The following MIA3 variants were observed in gnomAD, a reference collection of about 807,000 sequenced individuals.
The protein encoded by MIA3 is MIA SH3 domain ER export factor 3, also known as transport and Golgi organization protein 1 homolog.
In MIA3, 90 loss-of-function variants were observed where a neutral mutation model predicts 192.4. The observed-to-expected ratio is 0.47, with a 90% CI of 0.39 to 0.56. The LOEUF (loss-of-function observed/expected upper bound fraction) is 0.56. Ranked by LOEUF, MIA3 falls within the 20% of genes least tolerant of loss-of-function variation. MIA3 has a pLI of 0.00. For missense variants in MIA3, 2,123 were observed against 2,269.4 expected, an observed-to-expected ratio of 0.94 and a Z score of 1.31; for synonymous variants, 740 against 792.8, an observed-to-expected ratio of 0.93 and a Z score of 1.12.
At chr1:222,623,891 G>C (rs1451077548) in intron 2 of MIA3, among the ~76,000 whole-genome samples, 3 of 152,180 alleles carry the variant, frequency 2.0e-5, no homozygotes, top group Non-Finnish European at 2.9e-5. Context: ...TGAAAGCTTG[G>C]TGGGCAGATT....
At chr1:222,644,154 C>T (rs1663002780) in intron 6 of MIA3, 1 of 512,070 alleles carries the variant, frequency 2.0e-6, no homozygotes, top group Admixed American at 4.4e-5. Context: ...GCGCCAGTCA[C>T]TTCCGCCTCT....
chr1:222,655,537 C>CT (rs1224275891), intron 18 of MIA3, among the ~76,000 whole-genome samples: 2 of 152,118 alleles, frequency 1.3e-5, no homozygotes, highest in Admixed American at 6.5e-5. Context: ...GCAAATTTAA[C>CT]TTTTTTAAAT....
In MIA3 at chr1:222,662,270, G is replaced by C. The variant is rs758724144; in HGVS notation, c.5200G>C (p.Ala1734Pro). The C allele has an allele frequency of 6.2e-7, 1 of 1,613,964 alleles. No individual in the cohort carries two copies. Among genetic ancestry groups the C allele is most frequent in the Non-Finnish European group, 8.5e-7 (1 of 1,179,900 alleles). Residue 1734 changes from alanine to proline, a missense_variant, in exon 26 of 28, where the codon GCT (alanine) becomes CCT (proline). This residue lies in a region of MIA3 where 762 missense variants were observed against 856.4 expected (regional missense o/e 0.89). Transcript: ENST00000344922. ...TTTAACAGATCCAGGATCTGGTACA[G>C]CTACCATGATGAACAGCAGCTCAAG... Reference protein sequence around the residue: ...PSPSDPGSGTATMMNSSSRGS... With the variant: ...PSPSDPGSGTPTMMNSSSRGS...
chr1:222,618,274 G>T, intron 1 of MIA3, 31 bp downstream of exon 1: 4 of 1,394,988 alleles, frequency 2.9e-6, no homozygotes, highest in Non-Finnish European at 3.8e-6. Flanking sequence ...GCTGGCCTCG[G>T]GGCGGCTGGC....
In MIA3 at chr1:222,662,352, ATAAT is replaced by A. The variant is rs1664060955; in HGVS notation, c.5262+23_5262+26del. 1 of 1,607,012 alleles carries A rather than the reference ATAAT, an allele frequency of 6.2e-7. No homozygotes were observed. The highest frequency in any genetic ancestry group is 8.5e-7 in the Non-Finnish European group (1 of 1,173,566). On this transcript the variant is annotated intron_variant, in intron 26 of 27. Transcript: ENST00000344922. The stretch of plus-strand genomic sequence containing the variant: ...GGCAAGGTAAATGCACCCATTTTGA[ATAAT>A]TAGTTATTTCAGGAACATTTAGCTC...
rs761131334 is a variant in MIA3 at position 222,629,336 on chromosome 1, G to A, written c.2116G>A (p.Asp706Asn). ...AMQGTEVGQTDQTDSTGGPAF... is the reference protein window; with the variant it reads ...AMQGTEVGQTNQTDSTGGPAF... ...GCAGGGCACAGAGGTAGGACAGACA[G>A]ACCAAACTGACAGCACAGGAGGACC... Residue 706 changes from aspartate (D) to asparagine (N), a missense_variant, in exon 4 of 28, where the codon GAC (aspartate) becomes AAC (asparagine). Physicochemically the swap from Asp to Asn is conservative, Grantham distance 23. Around this residue, in one of 3 missense-constraint regions of MIA3, gnomAD observed 1,357 missense variants for 1,396.1 expected, o/e 0.97. Coordinates refer to ENST00000344922, the MANE Select transcript of MIA3 (RefSeq NM_198551.4). 3.7e-6 allele frequency: 6 copies of A among 1,614,152 alleles called. No individual in the cohort carries two copies. In the South Asian group the frequency reaches 6.6e-5, roughly 18 times the overall value.
chr1:222,641,788 T>A, intron 6 of MIA3: 1 of 556,248 alleles, frequency 1.8e-6, no homozygotes, highest in Non-Finnish European at 3.6e-6. Flanking sequence ...GGACAAGAAC[T>A]CCATTTCCTG....
chr1:222,639,648 C>T (rs914144748), intron 6 of MIA3, among the ~76,000 whole-genome samples: 1 of 151,944 alleles, frequency 6.6e-6, no homozygotes, highest in Admixed American at 6.6e-5. Flanking sequence ...ATGTTCAGTT[C>T]AACAAACACA....
At chr1:222,625,005 G>T (rs1662043786) in intron 3 of MIA3, 151 bp downstream of exon 3, 1 of 489,914 alleles carries the variant, frequency 2.0e-6, no homozygotes, top group Non-Finnish European at 3.6e-6. Flanking sequence ...CTTATATAAG[G>T]CTATGTACTC....
At chr1:222,644,651 G>C in intron 6 of MIA3, 4 of 1,503,848 alleles carry the variant, frequency 2.7e-6, no homozygotes, top group Non-Finnish European at 3.6e-6. Flanking sequence ...GTTCTAAGCA[G>C]AGTGGGTGCA....
intron 6 of MIA3, among the ~76,000 whole-genome samples, chr1:222,639,831 A>G (rs1191386360): frequency 6.6e-6 from 1 of 152,172 alleles, no homozygotes; most frequent in East Asian, 1.9e-4. Flanking sequence ...TGAAACAAGA[A>G]TGTCTACTCT....
In MIA3 at chr1:222,666,005, T is replaced by C. The variant is rs1571916815; in HGVS notation, c.*386T>C. The C allele has an allele frequency of 6.3e-6, 1 of 158,164 alleles. No homozygotes were observed. Among genetic ancestry groups the C allele is most frequent in the South Asian group, 2.0e-4 (1 of 4,900 alleles). The allele number at this position is 158,164 out of a possible 1,614,324, so 9.8% of individuals were successfully genotyped here. ...TGTACACCAGCTGAATACGGAGCAA[T>C]GGTGTTTATAAGCGTTTTTTTAAAC... is the stretch of plus-strand genomic sequence containing the variant. On this transcript the variant is annotated 3_prime_UTR_variant, in exon 28 of 28. Coordinates refer to ENST00000344922, the MANE Select transcript of MIA3 (RefSeq NM_198551.4).
chr1:222,641,218 T>C (rs1447062744), intron 6 of MIA3, among the ~76,000 whole-genome samples: 4 of 152,238 alleles, frequency 2.6e-5, no homozygotes, highest in Non-Finnish European at 5.9e-5. Context: ...CCTAAACATT[T>C]ACCTGAGACA....
rs1558179158 is a variant in MIA3, at chr1:222,632,205, G to T, written c.3210G>T (p.Lys1070Asn). ...ATGAAGATAATTTCTCACGAGAGAA[G>T]ACAGCAGAACTTAATGTGCAGGTTC... ...PLHEDNFSRE[K>N]TAELNVQVPE... The change falls in exon 5 of 28, where the codon AAG becomes AAT. Residue 1070 changes from lysine to asparagine, a missense_variant. Lys to Asn is a moderately conservative substitution (Grantham distance 94). Transcript: ENST00000344922. The T allele has an allele frequency of 6.2e-7, 1 of 1,614,198 alleles. No individual in the cohort carries two copies. Among genetic ancestry groups the T allele is most frequent in the East Asian group, 2.2e-5 (1 of 44,886 alleles).
At position 222,652,325 on chromosome 1, in the gene MIA3, AAG is replaced by A; in HGVS notation, c.4082_4083del (p.Glu1361AlafsTer11). On this transcript the variant is annotated frameshift_variant, in exon 13 of 28. Coordinates refer to ENST00000344922, the MANE Select transcript of MIA3 (RefSeq NM_198551.4). LOFTEE classifies it high-confidence loss of function. ...GAAAATGCTAGGCTTAAGAAGAAAA[AAG>A]AGCAGGTAAAGGAAAGTGCGTGTCC... 1 of 1,610,716 alleles carries A rather than the reference AAG, an allele frequency of 6.2e-7. No individual in the cohort carries two copies. Among genetic ancestry groups the A allele is most frequent in the Non-Finnish European group, 8.5e-7 (1 of 1,176,988 alleles).
At chr1:222,644,530 G>A (rs1663036420) in intron 6 of MIA3, 2 of 1,550,530 alleles carry the variant, frequency 1.3e-6, no homozygotes, top group African/African-American at 1.4e-5. Flanking sequence ...GGGGGACCCG[G>A]AACTTGTGGG....
At chr1:222,623,434 T>A (rs1571859393) in intron 2 of MIA3, among the ~76,000 whole-genome samples, 2 of 152,168 alleles carry the variant, frequency 1.3e-5, no homozygotes, top group East Asian at 3.8e-4. Flanking sequence ...TAAAATAGTC[T>A]CCCCTCTAAT....
At chr1:222,652,157 G>A in intron 12 of MIA3, 71 bp from the exon 13 acceptor site, 1 of 1,422,842 alleles carries the variant, frequency 7.0e-7, no homozygotes, top group Admixed American at 1.8e-5. Flanking sequence ...ACTACATGAT[G>A]TTGGGTTGGA....
intron 1 of MIA3, among the ~76,000 whole-genome samples, 174 bp downstream of exon 1, chr1:222,618,417 C>G (rs1309592615): frequency 2.0e-5 from 3 of 152,088 alleles, no homozygotes; most frequent in African/African-American, 4.8e-5. Flanking sequence ...TGGGCGCGCT[C>G]CGGGTCCCTG....
Sources: gnomAD v4.1 joint callset for allele counts (sites outside exome capture counted in the v4.1 genomes callset) on GRCh38, gnomAD v4.1.1 for gene constraint, gnomAD v4.1.1 regional missense constraint, MANE v1.5 for transcripts, NCBI Gene and HGNC (gene_info 2026-07-23, HGNC 2026-07-21) for gene names.